The following DEPDC4 variants were observed in gnomAD, a reference collection of about 807,000 sequenced individuals.
DEPDC4 encodes DEP domain-containing protein 4.
A neutral mutation model predicts 52.0 loss-of-function variants in DEPDC4; 52 were observed. That is an observed-to-expected ratio of 1.00 (90% CI 0.80 to 1.26). DEPDC4 has a LOEUF of 1.26. DEPDC4 is among the 50% of genes most tolerant of loss of function. The pLI is 0.00. For missense variants in DEPDC4, 530 were observed against 546.9 expected (o/e 0.97, Z 0.31); for synonymous variants, 201 against 196.8 (o/e 1.02, Z -0.18).
rs751362074 is a variant in DEPDC4 at position 100,266,957 on chromosome 12, C to T, written c.120G>A (p.Arg40=). The T allele has an allele frequency of 2.3e-5, 37 of 1,613,962 alleles. 1 individual carries two copies. In the Middle Eastern group the frequency reaches 5.0e-4, roughly 22 times the overall value. ...TCCGGCAGAAGCCATCTCTACGGTT[C>T]CTGGAACTTGGCCCGTTCAGCCCTG... The part of the protein sequence containing the change: ...PGPGLNGPSS[R]NRRDGFCRKR... The change falls in exon 1 of 10, where the codon AGG becomes AGA. Residue 40 remains arginine (R), a synonymous_variant. Transcript: ENST00000550587.
chr12:100,243,986 A>T (rs920920346), intron 8 of DEPDC4, among the ~76,000 whole-genome samples: 1 of 150,450 alleles, frequency 6.6e-6, no homozygotes, highest in Non-Finnish European at 1.5e-5. Context: ...TCTCTCATTC[A>T]TAGGTTCCTC....
intron 8 of DEPDC4, among the ~76,000 whole-genome samples, chr12:100,248,505 T>C (rs2096195062): frequency 6.6e-6 from 1 of 152,154 alleles, no homozygotes; most frequent in South Asian, 2.1e-4. Context: ...AGGCTACTCC[T>C]CTATAAAATT....
At chr12:100,268,753 T>C (rs1050459462), upstream of DEPDC4, among the ~76,000 whole-genome samples, 3 of 152,184 alleles carry the variant, frequency 2.0e-5, no homozygotes, top group Non-Finnish European at 4.4e-5. Context: ...ATTCATGATA[T>C]ACCTCCCTTC....
intron 9 of DEPDC4, among the ~76,000 whole-genome samples, chr12:100,234,162 CA>C (rs970387079): frequency 1.1e-4 from 16 of 151,762 alleles, no homozygotes; most frequent in African/African-American, 2.7e-4. Context: ...TACCTGTCAA[CA>C]AAAAAAATTG....
the DEPDC4 span, among the ~76,000 whole-genome samples, chr12:100,275,716 G>T: frequency 6.6e-6 from 1 of 152,124 alleles, no homozygotes; most frequent in Admixed American, 6.6e-5. Flanking sequence ...CTGGAATATT[G>T]AATAGAAGTG....
rs778299595 is a variant in DEPDC4 at position 100,256,231 on chromosome 12, A to G, written c.701-5T>C. On this transcript the variant is annotated splice_region_variant and splice_polypyrimidine_tract_variant and intron_variant, in intron 3 of 9. Coordinates refer to ENST00000550587, the MANE Select transcript of DEPDC4 (RefSeq NM_001364818.2). ...ATGTTTGTTCTTTCCAAACATCTTG[A>G]AAAGGAAAGTAATGCAATGATCAAG... The G allele has an allele frequency of 1.1e-5, 18 of 1,599,784 alleles. No individual in the cohort carries two copies. The African/African-American group carries it at 2.3e-4, about 20-fold the overall frequency.
At chr12:100,235,351 GTTT>G (rs60398537), downstream of DEPDC4, among the ~76,000 whole-genome samples, 22,288 of 137,504 alleles carry the variant, frequency 0.16, 2,086 homozygotes, top group Non-Finnish European at 0.22. Context: ...TTCTTTTAAG[GTTT>G]TTTTTTTTTT....
At chr12:100,241,915 A>G (rs950196788) in intron 9 of DEPDC4, 70 bp from the exon 10 acceptor site, 1 of 1,038,370 alleles carries the variant, frequency 9.6e-7, no homozygotes, top group Non-Finnish European at 1.2e-6. Context: ...AAAACCAACT[A>G]AACTGTACTT....
In DEPDC4 at chr12:100,246,222, C is replaced by A. The variant is rs1218016586; in HGVS notation, c.1453+2678G>T. 2.0e-5 allele frequency among the ~76,000 whole-genome samples: 3 copies of A among 150,274 alleles called. No individual in the cohort carries two copies. In the Admixed American group the frequency reaches 2.0e-4, roughly 10 times the overall value. ...TATTTTTGCTCACACTGTTCTAATTCTTTAAGCTCCTATTCTTTAAGACTC... is the reference window on the plus strand; with the variant it reads ...TATTTTTGCTCACACTGTTCTAATTATTTAAGCTCCTATTCTTTAAGACTC... On this transcript the variant is annotated intron_variant, in intron 8 of 9. Transcript: ENST00000550587.
chr12:100,233,340 C>T (rs1326936343), intron 9 of DEPDC4, among the ~76,000 whole-genome samples: 1 of 152,162 alleles, frequency 6.6e-6, no homozygotes, highest in Non-Finnish European at 1.5e-5. Context: ...TCTCGGCAAC[C>T]CAGTCCCTTT....
intron 1 of DEPDC4, among the ~76,000 whole-genome samples, chr12:100,265,258 C>T (rs1249143383): frequency 6.6e-6 from 1 of 151,598 alleles, no homozygotes; most frequent in Non-Finnish European, 1.5e-5. Flanking sequence ...CCTGCCACTG[C>T]ACTCCAGTCA....
chr12:100,270,055 C>T (rs1019236151), upstream of DEPDC4, among the ~76,000 whole-genome samples: 1 of 151,162 alleles, frequency 6.6e-6, no homozygotes, highest in Non-Finnish European at 1.5e-5. Context: ...GGCGCGATCT[C>T]GGCTCACTGC....
intron 9 of DEPDC4, among the ~76,000 whole-genome samples, chr12:100,234,109 G>GAAACAAAC (rs145093644): frequency 2.0e-5 from 3 of 151,610 alleles, no homozygotes; most frequent in African/African-American, 4.8e-5. Flanking sequence ...CCTGTCTCCA[G>GAAACAAAC]AAACAAACAA....
chr12:100,247,169 C>T (rs1216393660), intron 8 of DEPDC4, among the ~76,000 whole-genome samples: 2 of 143,586 alleles, frequency 1.4e-5, no homozygotes, highest in East Asian at 2.0e-4. Context: ...TAGCATTGTG[C>T]AAAACACTTA....
At position 100,263,914 on chromosome 12, in the gene DEPDC4, A is replaced by G. The variant is rs148377013; in HGVS notation, c.158-21T>C. 1,014 of 1,577,676 alleles carry G rather than the reference A, an allele frequency of 6.4e-4. 11 individuals carry two copies. In the African/African-American group the frequency reaches 0.012, roughly 18 times the overall value. On this transcript the variant is annotated intron_variant, in intron 1 of 9. Coordinates refer to ENST00000550587, the MANE Select transcript of DEPDC4 (RefSeq NM_001364818.2). ...GCATCCTGAAAAAAATTAAATATGC[A>G]TTTCTAACAAATCTAGATTATACAA...
upstream of DEPDC4, among the ~76,000 whole-genome samples, chr12:100,270,623 CTT>C (rs559329533): frequency 8.0e-5 from 10 of 125,684 alleles, no homozygotes; most frequent in Non-Finnish European, 6.8e-5. Flanking sequence ...ATGTTGCTTT[CTT>C]TTTTTTTTTT....
At chr12:100,280,285 GA>G in the DEPDC4 span, among the ~76,000 whole-genome samples, 4 of 152,178 alleles carry the variant, frequency 2.6e-5, no homozygotes, top group South Asian at 4.2e-4. Flanking sequence ...AAAATGTATA[GA>G]AAAAATTGTT....
chr12:100,259,647 G>GT (rs2096246922), intron 3 of DEPDC4, among the ~76,000 whole-genome samples: 1 of 152,124 alleles, frequency 6.6e-6, no homozygotes, highest in African/African-American at 2.4e-5. Context: ...GGAAGTATTC[G>GT]TAAGATAGAT....
the DEPDC4 span, among the ~76,000 whole-genome samples, chr12:100,273,807 G>T: frequency 6.6e-6 from 1 of 152,244 alleles, no homozygotes; most frequent in Non-Finnish European, 1.5e-5. Flanking sequence ...CAAGTTAATT[G>T]CTGTAACTCT....
Sources: gnomAD v4.1 joint callset for allele counts (sites outside exome capture counted in the v4.1 genomes callset) on GRCh38, gnomAD v4.1.1 for gene constraint, MANE v1.5 for transcripts, NCBI Gene and HGNC (gene_info 2026-07-23, HGNC 2026-07-21) for gene names.